Variants in AMER3 observed in about 807,000 individuals in gnomAD.
The protein encoded by AMER3 is APC membrane recruitment protein 3, also known as family with sequence similarity 123C.
For missense variants in AMER3, 1,201 were observed against 1,139.4 expected (o/e 1.05, Z -0.78); for synonymous variants, 541 against 485.5 (o/e 1.11, Z -1.50).
In AMER3 at chr2:130,764,829, T is replaced by A; in HGVS notation, c.*171T>A. On this transcript the variant is annotated 3_prime_UTR_variant, in exon 2 of 2. Transcript: ENST00000321420. ...ATGTTCATGTGGAGGCATCCTTGCC[T>A]GAACCCACCAGCTCAGGCAGCCCAC... The A allele has an allele frequency of 2.3e-6, 2 of 852,672 alleles. No homozygotes were observed. Among genetic ancestry groups the A allele is most frequent in the Non-Finnish European group, 3.6e-6 (2 of 559,006 alleles). The allele number at this position is 852,672 out of a possible 1,614,324, so 52.8% of individuals were successfully genotyped here.
chr2:130,766,048 G>C lies in AMER3; in HGVS notation c.*1390G>C, dbSNP rs1316912528. ...AAATAAAGCCCCAAGCAAGGCAGTAGCTCCACCTAACATGATGCAACTATC... is the reference window on the plus strand; with the variant it reads ...AAATAAAGCCCCAAGCAAGGCAGTACCTCCACCTAACATGATGCAACTATC... On this transcript the variant is annotated 3_prime_UTR_variant, in exon 2 of 2. Coordinates refer to ENST00000321420, the MANE Select transcript of AMER3 (RefSeq NM_152698.3). 1 of 167,072 alleles carries C rather than the reference G, an allele frequency of 6.0e-6. No individual in the cohort carries two copies. Among genetic ancestry groups the C allele is most frequent in the African/African-American group, 2.4e-5 (1 of 41,454 alleles). 10.3% of individuals were successfully genotyped at this position (167,072 alleles called of 1,614,324 possible). A position where few individuals can be genotyped will look rare whatever the true frequency, so the allele number is the denominator to read the frequency against.
intron 1 of AMER3, among the ~76,000 whole-genome samples, chr2:130,760,862 C>T (rs953095083): frequency 6.6e-5 from 10 of 152,124 alleles, no homozygotes; most frequent in African/African-American, 2.4e-4. Flanking sequence ...CCTCCTCCTT[C>T]GCTCATTTCC....
chr2:130,756,519 C>G (rs1045752630), intron 1 of AMER3: 1 of 152,504 alleles, frequency 6.6e-6, no homozygotes, highest in Non-Finnish European at 1.5e-5. Context: ...GGTCGACACC[C>G]TCCACCCAGC....
In AMER3 at chr2:130,762,957, G is replaced by A. The variant is rs753937632; in HGVS notation, c.885G>A (p.Leu295=). The A allele has an allele frequency of 6.2e-7, 1 of 1,613,094 alleles. No individual in the cohort carries two copies. The highest frequency in any genetic ancestry group is 1.1e-5 in the South Asian group (1 of 91,072). Reference sequence around the variant, plus strand: ...CTCTCCAGGGCAGTGTGGAGCAGCTGGCCTCGCCCGCCCAGAATGAAGCCT... The same window carrying A: ...CTCTCCAGGGCAGTGTGGAGCAGCTAGCCTCGCCCGCCCAGAATGAAGCCT... ...RGPLQGSVEQ[L]ASPAQNEASD... Residue 295 remains leucine, a synonymous_variant, in exon 2 of 2, where the codon CTG becomes CTA. Transcript: ENST00000321420.
intron 1 of AMER3, among the ~76,000 whole-genome samples, chr2:130,759,717 C>T (rs1488365748): frequency 6.6e-6 from 1 of 152,208 alleles, no homozygotes; most frequent in Non-Finnish European, 1.5e-5. Flanking sequence ...AGAGTCTGAG[C>T]TGTCGGTTTA....
Position 130,764,918 on chromosome 2 carries a change from G to A in AMER3, c.*260G>A, listed in dbSNP as rs1678943139. 2 of 486,512 alleles carry A rather than the reference G, an allele frequency of 4.1e-6. No individual in the cohort carries two copies. The highest frequency in any genetic ancestry group is 7.5e-6 in the Non-Finnish European group (2 of 265,388). The allele number at this position is 486,512 out of a possible 1,614,324, so 30.1% of individuals were successfully genotyped here. A position where few individuals can be genotyped will look rare whatever the true frequency, so the allele number is the denominator to read the frequency against. ...CCTCATGCAGGGGCTGGAGAGAGGG[G>A]CTAGGGCTTGAAACTGAGGGGGAGA... is the stretch of plus-strand genomic sequence containing the variant. On this transcript the variant is annotated 3_prime_UTR_variant, in exon 2 of 2. Coordinates refer to ENST00000321420, the MANE Select transcript of AMER3 (RefSeq NM_152698.3).
In AMER3 at chr2:130,764,935, AG is replaced by A. The variant is rs1678943639; in HGVS notation, c.*282del. The A allele has an allele frequency of 2.4e-6, 1 of 421,426 alleles. No homozygotes were observed. The highest frequency in any genetic ancestry group is 4.4e-6 in the Non-Finnish European group (1 of 226,082). 26.1% of individuals were successfully genotyped at this position (421,426 alleles called of 1,614,324 possible). On this transcript the variant is annotated 3_prime_UTR_variant, in exon 2 of 2. Coordinates refer to ENST00000321420, the MANE Select transcript of AMER3 (RefSeq NM_152698.3). The stretch of plus-strand genomic sequence containing the variant: ...AGAGAGGGGCTAGGGCTTGAAACTG[AG>A]GGGGAGAAAGAGCTGCACATTGTAA...
At position 130,764,372 on chromosome 2, in the gene AMER3, G is replaced by A. The variant is rs1389537656; in HGVS notation, c.2300G>A (p.Trp767Ter). 1 of 1,612,688 alleles carries A rather than the reference G, an allele frequency of 6.2e-7. No individual in the cohort carries two copies. Among genetic ancestry groups the A allele is most frequent in the African/African-American group, 1.3e-5 (1 of 75,070 alleles). ...VEPTGLGVQA[W>*]ASVEDQPLQL... ...CCCACCGGGCTAGGTGTCCAGGCCT[G>A]GGCCTCTGTGGAGGACCAGCCCTTG... is the stretch of plus-strand genomic sequence containing the variant. The change falls in exon 2 of 2, where the codon TGG becomes TAG. Residue 767 changes from tryptophan (W) to a stop codon, truncating the protein, a stop_gained. Coordinates refer to ENST00000321420, the MANE Select transcript of AMER3 (RefSeq NM_152698.3). LOFTEE classifies it low-confidence loss of function (END_TRUNC).
At chr2:130,759,261 G>A (rs138826929) in intron 1 of AMER3, among the ~76,000 whole-genome samples, 1,540 of 152,310 alleles carry the variant, frequency 0.01, 18 homozygotes, top group Non-Finnish European at 0.017. Context: ...CTATAGCAAT[G>A]ACAGTTATTT....
At position 130,767,607 on chromosome 2, in the gene AMER3, G is replaced by A. The variant is rs931356003; in HGVS notation, c.*2949G>A. 3 of 167,052 alleles carry A rather than the reference G, an allele frequency of 1.8e-5. No individual in the cohort carries two copies. Among genetic ancestry groups the A allele is most frequent in the Admixed American group, 1.3e-4 (2 of 15,280 alleles). The allele number at this position is 167,052 out of a possible 1,614,324, so 10.3% of individuals were successfully genotyped here. A position where few individuals can be genotyped will look rare whatever the true frequency, so the allele number is the denominator to read the frequency against. On this transcript the variant is annotated 3_prime_UTR_variant, in exon 2 of 2. Coordinates refer to ENST00000321420, the MANE Select transcript of AMER3 (RefSeq NM_152698.3). Reference sequence around the variant, plus strand: ...TCACAGGTTCCAAAGTGTGCAGCAAGGCTTCTGACCAGGCCCGTCCAGATC... The same window carrying A: ...TCACAGGTTCCAAAGTGTGCAGCAAAGCTTCTGACCAGGCCCGTCCAGATC...
chr2:130,767,195 C>A lies in AMER3; in HGVS notation c.*2537C>A, dbSNP rs1323088163. The A allele has an allele frequency of 6.0e-6, 1 of 167,166 alleles. No homozygotes were observed. The highest frequency in any genetic ancestry group is 1.5e-5 in the Non-Finnish European group (1 of 68,262). 10.4% of individuals were successfully genotyped at this position (167,166 alleles called of 1,614,324 possible). On this transcript the variant is annotated 3_prime_UTR_variant, in exon 2 of 2. Transcript: ENST00000321420. ...CCGTCCTGGGCCAGTGTCAGGCCAG[C>A]AGGTGCAGGGACAGATGGGCCATCC...
In AMER3 at chr2:130,761,935, G is replaced by A. The variant is rs540385498; in HGVS notation, c.-19-119G>A. The A allele has an allele frequency of 5.9e-4, 580 of 977,182 alleles. 1 individual carries two copies. The highest frequency in any genetic ancestry group is 1.3e-3 in the Admixed American group (44 of 34,644). 60.5% of individuals were successfully genotyped at this position (977,182 alleles called of 1,614,324 possible). A position where few individuals can be genotyped will look rare whatever the true frequency, so the allele number is the denominator to read the frequency against. ...ATCTTTCTCCCCCACCTGCAAGGAG[G>A]ATCTCCTGGGACAGAGGCCCCTGCA... is the stretch of plus-strand genomic sequence containing the variant. On this transcript the variant is annotated intron_variant, in intron 1 of 1. Coordinates refer to ENST00000321420, the MANE Select transcript of AMER3 (RefSeq NM_152698.3).
At chr2:130,757,028 G>A (rs1457439517) in intron 1 of AMER3, among the ~76,000 whole-genome samples, 1 of 152,136 alleles carries the variant, frequency 6.6e-6, no homozygotes, top group Non-Finnish European at 1.5e-5. Context: ...GGAAGGCATA[G>A]AAAATACCAA....
rs748807302 is a variant in AMER3 at position 130,762,983 on chromosome 2, C to T, written c.911C>T (p.Ser304Phe). ...GCCTCGCCCGCCCAGAATGAAGCCT[C>T]TGACTTCACCAGGTTCTGGGACAGT... ...QLASPAQNEA[S>F]DFTRFWDSVN... Residue 304 changes from serine (S) to phenylalanine (F), a missense_variant, in exon 2 of 2, where the codon TCT becomes TTT. Physicochemically the swap from Ser to Phe is radical, Grantham distance 155. Transcript: ENST00000321420. 1.9e-6 allele frequency: 3 copies of T among 1,613,340 alleles called. No individual in the cohort carries two copies. The highest frequency in any genetic ancestry group is 2.5e-6 in the Non-Finnish European group (3 of 1,179,994).
chr2:130,758,916 T>C (rs536034315), intron 1 of AMER3, among the ~76,000 whole-genome samples: 12 of 152,388 alleles, frequency 7.9e-5, no homozygotes, highest in African/African-American at 2.9e-4. Context: ...GGCCAGCATC[T>C]GGCTGTCCAC....
chr2:130,758,717 G>A (rs1175037431), intron 1 of AMER3, among the ~76,000 whole-genome samples: 1 of 152,218 alleles, frequency 6.6e-6, no homozygotes, highest in Non-Finnish European at 1.5e-5. Context: ...CAGACAAGAA[G>A]GCACCCGAAG....
intron 1 of AMER3, 42 bp from the exon 2 acceptor site, chr2:130,762,012 C>T: frequency 6.5e-7 from 1 of 1,550,264 alleles, no homozygotes; most frequent in South Asian, 1.2e-5. Context: ...GCCCAGGGCC[C>T]TCCCGTCTAT....
intron 1 of AMER3, among the ~76,000 whole-genome samples, chr2:130,760,210 ACTT>A (rs1218132827): frequency 3.9e-5 from 6 of 152,212 alleles, no homozygotes; most frequent in East Asian, 3.9e-4. Flanking sequence ...CATGGTGCCT[ACTT>A]CTTCTCATCC....
Position 130,763,302 on chromosome 2 carries a change from C to T in AMER3, c.1230C>T (p.Ala410=), listed in dbSNP as rs150508615. Residue 410 remains alanine, a synonymous_variant, in exon 2 of 2, where the codon GCC becomes GCT. Coordinates refer to ENST00000321420, the MANE Select transcript of AMER3 (RefSeq NM_152698.3). ...CTGAGAGCCCAGGCACTCCTGCCGC[C>T]ACCTTCCCACGGGACAGCTACAGTG... ...KEAESPGTPA[A]TFPRDSYSGD... 3.1e-6 allele frequency: 5 copies of T among 1,613,630 alleles called. No homozygotes were observed. In the African/African-American group the frequency reaches 4.0e-5, roughly 13 times the overall value.
Sources: allele counts gnomAD v4.1 joint callset (sites outside exome capture counted in the v4.1 genomes callset), GRCh38; gene constraint gnomAD v4.1.1; transcripts MANE v1.5; gene names NCBI Gene and HGNC (gene_info 2026-07-23, HGNC 2026-07-21).